The following UBR4 variants were observed in gnomAD, a reference collection of about 807,000 sequenced individuals.
The protein encoded by UBR4 is E3 ubiquitin-protein ligase UBR4.
A neutral mutation model predicts 575.6 loss-of-function variants in UBR4; 124 were observed. That is an observed-to-expected ratio of 0.22 (90% CI 0.19 to 0.25). The LOEUF (loss-of-function observed/expected upper bound fraction) is 0.25. Ranked by LOEUF, UBR4 falls within the 10% of genes least tolerant of loss-of-function variation. The pLI is 1.00. For synonymous variants in UBR4, 2,455 were observed against 2,473.7 expected, an observed-to-expected ratio of 0.99 and a Z score of 0.22; for missense variants, 4,818 against 6,478.8, an observed-to-expected ratio of 0.74 and a Z score of 8.80.
rs775546388 is a variant in UBR4, at chr1:19,187,400, C to T, written c.1494+41G>A. ...AGCTTGCTTGGCCAGAAGTGGATCC[C>T]GCAATCAATATGCTGATTACCATGG... On this transcript the variant is annotated intron_variant, in intron 12 of 105. Transcript: ENST00000375254. The T allele has an allele frequency of 3.2e-5, 52 of 1,611,514 alleles. 1 individual carries two copies. In the South Asian group the frequency reaches 5.5e-4, roughly 17 times the overall value.
chr1:19,106,952 C>G lies in UBR4; in HGVS notation c.12120G>C (p.Glu4040Asp). 6.2e-7 allele frequency: 1 copy of G among 1,612,240 alleles called. No individual in the cohort carries two copies. Among genetic ancestry groups the G allele is most frequent in the Non-Finnish European group, 8.5e-7 (1 of 1,179,932 alleles). The change falls in exon 82 of 106, where the codon GAG (glutamate) becomes GAC (aspartate). Residue 4040 changes from glutamate to aspartate, a missense_variant. Physicochemically the swap from Glu to Asp is conservative, Grantham distance 45. Coordinates refer to ENST00000375254, the MANE Select transcript of UBR4 (RefSeq NM_020765.3). ...AGTATGGCTTCACCGTGGTGAGGGC[C>G]TCAACGGGGACATCCTGGAGGAGGC... ...TSKKNKDVPV[E>D]ALTTVKPYCN...
Position 19,185,203 on chromosome 1 carries a change from G to T in UBR4, c.1834C>A (p.Pro612Thr). 6.2e-7 allele frequency: 1 copy of T among 1,613,842 alleles called. No homozygotes were observed. Among genetic ancestry groups the T allele is most frequent in the Non-Finnish European group, 8.5e-7 (1 of 1,179,924 alleles). ...GAGCTTTCCAGTGGAGGAGGTGGGG[G>T]AGGAGGCGGAGGTGCTGCTTTCTCT... ...SKEKAAPPPP[P>T]PPPPLESSPR... is the part of the protein sequence containing the mutation. Residue 612 changes from proline to threonine, a missense_variant, in exon 15 of 106, where the codon CCC becomes ACC. This residue lies in a region of UBR4 where 1,172 missense variants were observed against 1,259.7 expected (regional missense o/e 0.93). Coordinates refer to ENST00000375254, the MANE Select transcript of UBR4 (RefSeq NM_020765.3).
intron 49 of UBR4, chr1:19,149,869 A>C (rs923587214): frequency 5.5e-5 from 67 of 1,208,666 alleles, no homozygotes; most frequent in Non-Finnish European, 7.2e-5. Flanking sequence ...ACACATCCTA[A>C]GCAAACCATG....
At chr1:19,095,928 G>A in intron 92 of UBR4, 1 of 360,616 alleles carries the variant, frequency 2.8e-6, no homozygotes, top group Non-Finnish European at 5.2e-6. Flanking sequence ...TGCTCTGTTT[G>A]TTGTCTTGGG....
At position 19,180,249 on chromosome 1, in the gene UBR4, C is replaced by T. The variant is rs575276601; in HGVS notation, c.2185-1029G>A. ...CATCACCCAGGCAGGAGTGCGGTTGCACGATCTCAGCTCACTGCAACCTCC... is the reference window on the plus strand; with the variant it reads ...CATCACCCAGGCAGGAGTGCGGTTGTACGATCTCAGCTCACTGCAACCTCC... On this transcript the variant is annotated intron_variant, in intron 17 of 105. Coordinates refer to ENST00000375254, the MANE Select transcript of UBR4 (RefSeq NM_020765.3). Among the ~76,000 whole-genome samples the T allele has an allele frequency of 1.2e-4, 18 of 151,984 alleles. No homozygotes were observed. The South Asian group carries it at 3.7e-3, about 32-fold the overall frequency.
At chr1:19,197,067 A>G in intron 8 of UBR4, 74 bp downstream of exon 8, 1 of 1,552,532 alleles carries the variant, frequency 6.4e-7, no homozygotes, top group Non-Finnish European at 8.8e-7. Context: ...AGTATTCAGG[A>G]GGATTTTCAT....
intron 83 of UBR4, among the ~76,000 whole-genome samples, chr1:19,106,217 G>C (rs2079177699): frequency 6.6e-6 from 1 of 152,076 alleles, no homozygotes; most frequent in South Asian, 2.1e-4. Flanking sequence ...TATATCAATG[G>C]ACAAATGGAT....
At position 19,104,426 on chromosome 1, in the gene UBR4, A is replaced by G. The variant is rs1357298861; in HGVS notation, c.12727+159T>C. On this transcript the variant is annotated intron_variant, in intron 86 of 105. Coordinates refer to ENST00000375254, the MANE Select transcript of UBR4 (RefSeq NM_020765.3). Reference sequence around the variant, plus strand: ...ACAGTCAATAGCAAACAGGGTCTCAAAATCATAAACGTATCAATACAGAAA... The same window carrying G: ...ACAGTCAATAGCAAACAGGGTCTCAGAATCATAAACGTATCAATACAGAAA... Among the ~76,000 whole-genome samples, 6 of 152,236 alleles carry G rather than the reference A, an allele frequency of 3.9e-5. No individual in the cohort carries two copies. In the East Asian group the frequency reaches 1.2e-3, roughly 29 times the overall value.
At chr1:19,083,898 C>T (rs2076759976) in intron 102 of UBR4, among the ~76,000 whole-genome samples, 1 of 152,264 alleles carries the variant, frequency 6.6e-6, no homozygotes, top group Middle Eastern at 3.4e-3. Context: ...CTACCAATCT[C>T]TTTTTTTTCC....
At chr1:19,203,336 A>G (rs2092842806) in intron 1 of UBR4, among the ~76,000 whole-genome samples, 3 of 151,930 alleles carry the variant, frequency 2.0e-5, no homozygotes, top group Non-Finnish European at 2.9e-5. Context: ...CCCCGTCTCT[A>G]ATAAAAATAC....
chr1:19,155,925 T>C (rs1275693211), intron 42 of UBR4, among the ~76,000 whole-genome samples: 1 of 152,158 alleles, frequency 6.6e-6, no homozygotes, highest in African/African-American at 2.4e-5. Context: ...CTTGGTACAG[T>C]GAGGGTAGAA....
At chr1:19,099,172 T>A (rs1482847655) in intron 90 of UBR4, among the ~76,000 whole-genome samples, 2 of 152,158 alleles carry the variant, frequency 1.3e-5, no homozygotes, top group African/African-American at 4.8e-5. Flanking sequence ...ACAGAAATGA[T>A]GCTCCTTGAC....
Position 19,197,379 on chromosome 1 carries a change from G to T in UBR4, c.894-114C>A, listed in dbSNP as rs543798249. 7.9e-5 allele frequency: 114 copies of T among 1,437,410 alleles called. 2 individuals are homozygous for T. In the South Asian group the frequency reaches 1.3e-3, roughly 17 times the overall value. 89.0% of individuals were successfully genotyped at this position (1,437,410 alleles called of 1,614,324 possible). On this transcript the variant is annotated intron_variant, in intron 7 of 105. Transcript: ENST00000375254. ...CACAGTGGCTCACGCCTATAATTCC[G>T]ACACTTCAGGAGGCCAAGGCAGGAG...
Position 19,144,777 on chromosome 1 carries a change from G to A in UBR4, c.8067+9C>T. 6.2e-7 allele frequency: 1 copy of A among 1,612,376 alleles called. No homozygotes were observed. Among genetic ancestry groups the A allele is most frequent in the South Asian group, 1.1e-5 (1 of 90,664 alleles). ...GCTGCGAGCTCTCTGGGATTGTAAT[G>A]CTACGTACAGGACACAAGAGCATCT... On this transcript the variant is annotated intron_variant, in intron 54 of 105. Coordinates refer to ENST00000375254, the MANE Select transcript of UBR4 (RefSeq NM_020765.3).
At chr1:19,087,980 C>T (rs1313783055) in intron 98 of UBR4, 51 bp from the exon 99 acceptor site, 1 of 1,448,130 alleles carries the variant, frequency 6.9e-7, no homozygotes, top group Admixed American at 1.9e-5. Flanking sequence ...ACACCCTCTC[C>T]CACCCTAGCT....
chr1:19,150,397 C>T (rs1181153223), intron 49 of UBR4, among the ~76,000 whole-genome samples, 180 bp downstream of exon 49: 1 of 152,126 alleles, frequency 6.6e-6, no homozygotes, highest in Non-Finnish European at 1.5e-5. Flanking sequence ...ACTCTGAGCA[C>T]ATTTTTCAGG....
chr1:19,075,025 G>T, intron 105 of UBR4, 129 bp from the exon 106 acceptor site: 1 of 917,740 alleles, frequency 1.1e-6, no homozygotes, highest in Non-Finnish European at 1.7e-6. Context: ...CTGCTCACTG[G>T]ACAGCAGCAT....
chr1:19,193,220 G>C (rs988651287), intron 9 of UBR4, among the ~76,000 whole-genome samples: 18 of 152,180 alleles, frequency 1.2e-4, no homozygotes, highest in Admixed American at 9.8e-4. Flanking sequence ...AATCTTTCAA[G>C]TGTGTTCTAC....
chr1:19,165,083 G>T, intron 31 of UBR4, 86 bp from the exon 32 acceptor site: 2 of 1,559,488 alleles, frequency 1.3e-6, no homozygotes, highest in Non-Finnish European at 8.8e-7. Context: ...AGGAAAAGGG[G>T]AAATGGCTTC....
Sources: allele counts gnomAD v4.1 joint callset (sites outside exome capture counted in the v4.1 genomes callset), GRCh38; gene constraint gnomAD v4.1.1; regional missense constraint gnomAD v4.1.1; transcripts MANE v1.5; gene names NCBI Gene and HGNC (gene_info 2026-07-23, HGNC 2026-07-21).